Variants in MARCHF1 observed in about 807,000 individuals in gnomAD.
The protein encoded by MARCHF1 is E3 ubiquitin-protein ligase MARCHF1.
In MARCHF1, 40 loss-of-function variants were observed where a neutral mutation model predicts 54.2. The ratio of observed to expected loss-of-function variants is 0.74; its 90% CI spans 0.57 to 0.96. MARCHF1 has a LOEUF of 0.96. MARCHF1 is among the 40% of genes least tolerant of loss of function. The pLI, the probability that MARCHF1 is intolerant of heterozygous loss-of-function variation, is 0.00. For synonymous variants in MARCHF1, 236 were observed against 236.3 expected, an observed-to-expected ratio of 1.00 and a Z score of 0.01; for missense variants, 586 against 656.5, an observed-to-expected ratio of 0.89 and a Z score of 1.17.
At chr4:163,663,472 G>A (rs994764773) in intron 5 of MARCHF1, among the ~76,000 whole-genome samples, 1 of 151,780 alleles carries the variant, frequency 6.6e-6, no homozygotes, top group Non-Finnish European at 1.5e-5. Context: ...AAGGACATTT[G>A]TTATATTTTT....
intron 1 of MARCHF1, among the ~76,000 whole-genome samples, chr4:164,381,490 A>G (rs1438891830): frequency 6.6e-6 from 1 of 152,212 alleles, no homozygotes; most frequent in Non-Finnish European, 1.5e-5. Flanking sequence ...CATACATAAA[A>G]TGTAATCTGT....
chr4:164,014,233 A>C (rs1753489826), intron 2 of MARCHF1, among the ~76,000 whole-genome samples: 1 of 152,014 alleles, frequency 6.6e-6, no homozygotes, highest in African/African-American at 2.4e-5. Context: ...AAAGTCAAAA[A>C]AATGAGGACA....
chr4:164,347,408 A>G (rs1730139915), intron 1 of MARCHF1, among the ~76,000 whole-genome samples: 1 of 152,144 alleles, frequency 6.6e-6, no homozygotes, highest in Non-Finnish European at 1.5e-5. Context: ...TTTTAGGTAA[A>G]GGGGCCAGGT....
intron 3 of MARCHF1, among the ~76,000 whole-genome samples, chr4:163,872,898 G>A (rs1477961780): frequency 6.6e-6 from 1 of 151,984 alleles, no homozygotes; most frequent in Non-Finnish European, 1.5e-5. Context: ...CAAAAAATTA[G>A]CCGGGCGTGG....
At chr4:163,809,993 T>A (rs559152224) in intron 4 of MARCHF1, among the ~76,000 whole-genome samples, 1 of 152,204 alleles carries the variant, frequency 6.6e-6, no homozygotes, top group African/African-American at 2.4e-5. Flanking sequence ...AATGGTGCCA[T>A]TTGAAAAGTT....
intron 1 of MARCHF1, among the ~76,000 whole-genome samples, chr4:164,272,781 A>G (rs1463322410): frequency 6.6e-6 from 1 of 151,882 alleles, no homozygotes; most frequent in East Asian, 1.9e-4. Flanking sequence ...CTATGTATTG[A>G]ATGTATTTTT....
chr4:164,359,248 T>C (rs1378739292), intron 1 of MARCHF1, among the ~76,000 whole-genome samples: 3 of 152,182 alleles, frequency 2.0e-5, no homozygotes, highest in East Asian at 1.9e-4. Flanking sequence ...TTCTGAGAGA[T>C]AGTTCTCTAT....
intron 1 of MARCHF1, among the ~76,000 whole-genome samples, chr4:164,303,237 C>A (rs915491957): frequency 6.6e-6 from 1 of 152,176 alleles, no homozygotes; most frequent in Non-Finnish European, 1.5e-5. Context: ...ACCTATGGAA[C>A]ATGGAAGGCT....
intron 3 of MARCHF1, among the ~76,000 whole-genome samples, chr4:163,922,783 A>G (rs1001910270): frequency 1.3e-5 from 2 of 152,194 alleles, no homozygotes; most frequent in African/African-American, 4.8e-5. Context: ...CACTGAACAA[A>G]CAACTCCCTT....
At chr4:164,045,577 A>T (rs955255702) in intron 2 of MARCHF1, among the ~76,000 whole-genome samples, 3 of 151,422 alleles carry the variant, frequency 2.0e-5, no homozygotes, top group African/African-American at 7.3e-5. Context: ...AATTTTAAGG[A>T]TTATGTGCTT....
chr4:164,039,984 T>TAA (rs1183657336), intron 2 of MARCHF1, among the ~76,000 whole-genome samples: 90 of 146,436 alleles, frequency 6.1e-4, no homozygotes, highest in African/African-American at 1.4e-3. Context: ...TATATATATA[T>TAA]AAACTATATA....
chr4:163,943,459 GTT>G (rs879680728), intron 3 of MARCHF1, among the ~76,000 whole-genome samples: 2 of 152,114 alleles, frequency 1.3e-5, no homozygotes, highest in African/African-American at 2.4e-5. Flanking sequence ...TTTCCCCATT[GTT>G]TTTGTTAGCT....
chr4:163,679,714 G>A (rs1744035276), intron 5 of MARCHF1, among the ~76,000 whole-genome samples: 1 of 151,400 alleles, frequency 6.6e-6, no homozygotes, highest in South Asian at 2.1e-4. Context: ...CCGGGTTCAC[G>A]CCATTCTCCT....
chr4:164,103,885 A>C (rs1256205233), intron 2 of MARCHF1, among the ~76,000 whole-genome samples: 1 of 142,620 alleles, frequency 7.0e-6, no homozygotes, highest in African/African-American at 2.9e-5. Context: ...TAATAAAGAA[A>C]AAAAGAGAGA....
chr4:164,039,969 A>T (rs1754089143), intron 2 of MARCHF1, among the ~76,000 whole-genome samples: 2 of 146,230 alleles, frequency 1.4e-5, no homozygotes, highest in South Asian at 2.1e-4. Context: ...TCATGAAATT[A>T]TATATATATA....
intron 2 of MARCHF1, among the ~76,000 whole-genome samples, chr4:164,029,052 T>C (rs532085330): frequency 1.1e-4 from 16 of 152,214 alleles, no homozygotes; most frequent in Non-Finnish European, 1.6e-4. Flanking sequence ...ATAGCAACCA[T>C]TAATCTCCTG....
chr4:164,078,490 C>T (rs1755025393), intron 2 of MARCHF1, among the ~76,000 whole-genome samples: 1 of 151,998 alleles, frequency 6.6e-6, no homozygotes, highest in African/African-American at 2.4e-5. Flanking sequence ...AACAAACCTG[C>T]ATGTTCTGCA....
chr4:163,707,356 C>T (rs1445181708), intron 4 of MARCHF1, among the ~76,000 whole-genome samples: 3 of 151,822 alleles, frequency 2.0e-5, no homozygotes, highest in African/African-American at 7.3e-5. Flanking sequence ...TGTCTATTCA[C>T]AAGAGAGGCA....
chr4:163,717,386 C>T (rs958100539), intron 4 of MARCHF1, among the ~76,000 whole-genome samples: 2 of 151,880 alleles, frequency 1.3e-5, no homozygotes, highest in African/African-American at 4.8e-5. Context: ...TTTCTTAATC[C>T]AGTCTATCAT....
Sources: allele counts gnomAD v4.1 joint callset (sites outside exome capture counted in the v4.1 genomes callset), GRCh38; gene constraint gnomAD v4.1.1; transcripts MANE v1.5; gene names NCBI Gene and HGNC (gene_info 2026-07-23, HGNC 2026-07-21).